The following MYOM2 variants were observed in gnomAD, a reference collection of about 807,000 sequenced individuals.
MYOM2 encodes the protein myomesin 2.
MYOM2 carries 254 observed loss-of-function variants against 187.6 expected under a neutral mutation model. The ratio of observed to expected loss-of-function variants is 1.35; its 90% confidence interval spans 1.22 to 1.50. MYOM2 has a LOEUF of 1.50. Among genes scored for constraint, MYOM2 ranks in the 40% most tolerant of loss-of-function variants. MYOM2 has a pLI of 0.00. For missense variants in MYOM2, 2,796 were observed against 1,924.0 expected, an observed-to-expected ratio of 1.45 and a Z score of -8.48; for synonymous variants, 981 against 753.8, an observed-to-expected ratio of 1.30 and a Z score of -4.94.
chr8:2,100,840 A>T, intron 19 of MYOM2, 36 bp from the exon 20 acceptor site: 1 of 1,608,300 alleles, frequency 6.2e-7, no homozygotes, highest in Non-Finnish European at 8.5e-7. Context: ...TGGACTGGCT[A>T]TGCGCGCAGA....
At chr8:2,084,989 C>G (rs1819759736) in intron 13 of MYOM2, 2 of 412,760 alleles carry the variant, frequency 4.8e-6, no homozygotes, top group South Asian at 8.4e-5. Flanking sequence ...AATCCTTCCC[C>G]CTCTTCCAAC....
intron 14 of MYOM2, among the ~76,000 whole-genome samples, chr8:2,086,979 G>A (rs7815602): frequency 0.19 from 28,879 of 151,894 alleles, 2,946 homozygotes; most frequent in African/African-American, 0.26. Context: ...TACAAAAGAC[G>A]TTGTATATTG....
At chr8:2,124,034 C>G (rs1261931466) in intron 30 of MYOM2, 145 bp from the exon 31 acceptor site, 3 of 818,308 alleles carry the variant, frequency 3.7e-6, no homozygotes, top group African/African-American at 3.5e-5. Flanking sequence ...ACACATAAGT[C>G]TTTTATGGAT....
intron 12 of MYOM2, 126 bp downstream of exon 12, chr8:2,079,059 C>T: frequency 1.2e-6 from 1 of 869,402 alleles, no homozygotes; most frequent in Non-Finnish European, 1.8e-6. Flanking sequence ...CAGAGCATAG[C>T]ACAGGCTGTT....
At chr8:2,076,922 A>C (rs190879263) in intron 11 of MYOM2, among the ~76,000 whole-genome samples, 7 of 152,320 alleles carry the variant, frequency 4.6e-5, no homozygotes, top group Admixed American at 1.3e-4. Flanking sequence ...CAGTGGGTTT[A>C]CTGGATATGT....
chr8:2,073,551 G>A (rs1056231323), intron 10 of MYOM2, 51 bp downstream of exon 10: 1 of 1,534,922 alleles, frequency 6.5e-7, no homozygotes, highest in Non-Finnish European at 8.7e-7. Context: ...GCCCGGGGAG[G>A]GGAGGCAGCC....
At chr8:2,127,635 G>A in intron 31 of MYOM2, 1 of 158,076 alleles carries the variant, frequency 6.3e-6, no homozygotes, top group Non-Finnish European at 1.4e-5. Context: ...GTGACGCGGT[G>A]ACGCAGCCGC....
intron 18 of MYOM2, chr8:2,097,074 G>A (rs994857550): frequency 1.8e-5 from 17 of 969,568 alleles, no homozygotes; most frequent in Middle Eastern, 5.2e-4. Flanking sequence ...GCTCCCGTCC[G>A]GACTGTGGGG....
At chr8:2,093,206 G>A (rs1362675777) in intron 16 of MYOM2, among the ~76,000 whole-genome samples, 1 of 152,158 alleles carries the variant, frequency 6.6e-6, no homozygotes, top group Non-Finnish European at 1.5e-5. Context: ...TGTAAAAAGT[G>A]GTGGCTAACA....
At chr8:2,115,902 G>A (rs1268193002) in intron 25 of MYOM2, 58 bp from the exon 26 acceptor site, 8 of 1,562,774 alleles carry the variant, frequency 5.1e-6, no homozygotes, top group Non-Finnish European at 7.0e-6. Context: ...AATGTTGCAA[G>A]GGAAAACTAG....
chr8:2,100,943 T>C lies in MYOM2; in HGVS notation c.2508T>C (p.Pro836=), dbSNP rs145086129. Reference sequence around the variant, plus strand: ...CCTTGGTCATGCTGTGGAAGGCCCCTGTGTACTCCGGCAGCAGCCCTGTTT... The same window carrying C: ...CCTTGGTCATGCTGTGGAAGGCCCCCGTGTACTCCGGCAGCAGCCCTGTTT... ...DTSLVMLWKA[P]VYSGSSPVSG... is the part of the protein sequence containing the mutation. The change falls in exon 20 of 37, where the codon CCT becomes CCC. Residue 836 remains proline (P), a synonymous_variant. Coordinates refer to ENST00000262113, the MANE Select transcript of MYOM2 (RefSeq NM_003970.4). The C allele has an allele frequency of 9.3e-6, 15 of 1,614,194 alleles. No individual in the cohort carries two copies. In the African/African-American group the frequency reaches 1.7e-4, roughly 19 times the overall value.
chr8:2,048,829 A>G (rs1450146522), intron 1 of MYOM2, among the ~76,000 whole-genome samples: 4 of 150,264 alleles, frequency 2.7e-5, no homozygotes, highest in African/African-American at 7.4e-5. Flanking sequence ...TCGCTCTGTC[A>G]CCCAGGCTGG....
intron 35 of MYOM2, 22 bp from the exon 36 acceptor site, chr8:2,143,379 C>G (rs1798346141): frequency 2.5e-6 from 4 of 1,614,078 alleles, no homozygotes; most frequent in Admixed American, 1.7e-5. Context: ...GTTTTCCTAA[C>G]CAAGGTGCTT....
chr8:2,099,891 CA>C (rs1434263155), intron 19 of MYOM2, among the ~76,000 whole-genome samples: 1 of 152,192 alleles, frequency 6.6e-6, no homozygotes, highest in East Asian at 1.9e-4. Flanking sequence ...ATGTTATGGC[CA>C]GAGTATACTG....
intron 36 of MYOM2, 70 bp from the exon 37 acceptor site, chr8:2,144,594 C>G (rs1468988289): frequency 2.7e-6 from 4 of 1,491,572 alleles, no homozygotes. Context: ...CTGGAGCCCA[C>G]CGTCCGAGGG....
intron 14 of MYOM2, among the ~76,000 whole-genome samples, chr8:2,087,771 A>G (rs902008782): frequency 2.6e-5 from 4 of 152,152 alleles, no homozygotes; most frequent in African/African-American, 9.7e-5. Context: ...GGTGTGTGCC[A>G]CCACGCCCAG....
intron 6 of MYOM2, among the ~76,000 whole-genome samples, chr8:2,064,323 G>A (rs558796886): frequency 1.1e-4 from 16 of 152,290 alleles, no homozygotes; most frequent in Middle Eastern, 3.4e-3. Context: ...TATGAAACAA[G>A]GTCGAAAGAG....
intron 6 of MYOM2, 75 bp from the exon 7 acceptor site, chr8:2,069,203 T>C (rs1819127861): frequency 5.7e-6 from 8 of 1,408,898 alleles, no homozygotes; most frequent in African/African-American, 1.4e-5. Flanking sequence ...TTTCGAGGAA[T>C]GCTTTTGTGC....
intron 10 of MYOM2, 117 bp from the exon 11 acceptor site, chr8:2,076,024 T>C (rs941897672): frequency 2.1e-6 from 2 of 964,018 alleles, no homozygotes; most frequent in African/African-American, 3.3e-5. Context: ...AACATGAGAA[T>C]TAAACAGTGG....
Sources: allele counts gnomAD v4.1 joint callset (sites outside exome capture counted in the v4.1 genomes callset), GRCh38; gene constraint gnomAD v4.1.1; transcripts MANE v1.5; gene names NCBI Gene and HGNC (gene_info 2026-07-23, HGNC 2026-07-21).